Variants in KAZN observed in about 807,000 individuals in gnomAD.
KAZN encodes the protein kazrin, periplakin interacting protein.
Under a neutral mutation model 87.4 loss-of-function variants are expected in KAZN, and 40 were observed. The observed-to-expected ratio is 0.46, with a 90% confidence interval of 0.36 to 0.60. KAZN has a LOEUF of 0.60. Ranked by LOEUF, KAZN falls within the 20% of genes least tolerant of loss-of-function variation. KAZN has a pLI of 0.00. For missense variants in KAZN, 898 were observed against 1,073.9 expected (o/e 0.84, Z 2.29); for synonymous variants, 466 against 458.3 (o/e 1.02, Z -0.22).
At chr1:14,851,799 C>T (rs550426353) in intron 1 of KAZN, among the ~76,000 whole-genome samples, 15 of 152,314 alleles carry the variant, frequency 9.8e-5, no homozygotes, top group African/African-American at 3.6e-4. Context: ...GTCAGCTCTT[C>T]CTGACATTGG....
intron 1 of KAZN, chr1:14,946,249 T>C (rs10803326): frequency 0.32 from 48,714 of 151,632 alleles, 12,286 homozygotes; most frequent in African/African-American, 0.7. Context: ...AGAAGCTGCA[T>C]GGGAGACAGT....
At chr1:13,969,595 T>G (rs898650533) in intron 1 of KAZN, among the ~76,000 whole-genome samples, 5 of 152,092 alleles carry the variant, frequency 3.3e-5, no homozygotes, top group Admixed American at 6.5e-5. Context: ...AGCTCGCTTG[T>G]TGGGTGATGA....
chr1:13,908,108 A>G (rs903655496), intron 1 of KAZN, among the ~76,000 whole-genome samples: 1 of 152,276 alleles, frequency 6.6e-6, no homozygotes, highest in Non-Finnish European at 1.5e-5. Context: ...ACATTGTGGC[A>G]GTCCATTTTT....
rs577017101 is a variant in KAZN, at chr1:14,382,126, A to G, written c.249+201534A>G. Among the ~76,000 whole-genome samples, 27 of 152,266 alleles carry G rather than the reference A, an allele frequency of 1.8e-4. No individual in the cohort carries two copies. In the South Asian group the frequency reaches 5.6e-3, roughly 32 times the overall value. On this transcript the variant is annotated intron_variant, in intron 2 of 16. Coordinates refer to the KAZN transcript ENST00000636203. ...GAATTAACTAAAGGGAAAAATCTCT[A>G]CAATGAAAACTATAAAATATTGATG...
At chr1:14,510,252 C>T (rs530881424) in intron 2 of KAZN, among the ~76,000 whole-genome samples, 181 of 152,162 alleles carry the variant, frequency 1.2e-3, no homozygotes, top group African/African-American at 4.2e-3. Context: ...GTGGCATATG[C>T]CTGTAATCCC....
intron 2 of KAZN, among the ~76,000 whole-genome samples, chr1:14,484,501 A>C (rs887962393): frequency 6.6e-6 from 1 of 152,250 alleles, no homozygotes; most frequent in Non-Finnish European, 1.5e-5. Flanking sequence ...TTCTGTGCTC[A>C]TACTTCTTCC....
At chr1:13,995,666 A>G (rs1390983704) in intron 1 of KAZN, among the ~76,000 whole-genome samples, 1 of 152,164 alleles carries the variant, frequency 6.6e-6, no homozygotes, top group African/African-American at 2.4e-5. Context: ...TAGAAATTTC[A>G]CAGTTGGGAG....
chr1:14,713,083 C>G (rs1572288571), intron 1 of KAZN, among the ~76,000 whole-genome samples: 1 of 152,192 alleles, frequency 6.6e-6, no homozygotes, highest in South Asian at 2.1e-4. Flanking sequence ...CTAATCTGGA[C>G]TGAGCCTGCT....
intron 1 of KAZN, among the ~76,000 whole-genome samples, chr1:14,760,153 CA>C (rs1461285231): frequency 1.1e-4 from 17 of 152,112 alleles, no homozygotes; most frequent in African/African-American, 4.1e-4. Flanking sequence ...TGAAACCAAC[CA>C]ATGCTCGCCT....
At chr1:14,570,094 C>G (rs1420250719) in intron 2 of KAZN, among the ~76,000 whole-genome samples, 1 of 152,030 alleles carries the variant, frequency 6.6e-6, no homozygotes, top group East Asian at 1.9e-4. Context: ...GCCTGGGTGA[C>G]AGAGCGAGAC....
intron 1 of KAZN, among the ~76,000 whole-genome samples, chr1:14,906,174 TATTATAATAATA>T (rs1245245489): frequency 0.019 from 2,764 of 143,624 alleles, 81 homozygotes; most frequent in African/African-American, 0.066. Context: ...TCAAAAAATA[TATTATAATAATA>T]ATAATAATAA....
intron 2 of KAZN, among the ~76,000 whole-genome samples, chr1:14,314,213 T>C (rs1474266198): frequency 6.6e-6 from 1 of 152,180 alleles, no homozygotes; most frequent in East Asian, 1.9e-4. Context: ...ATTGCACTAC[T>C]TGTAGAAAAA....
intron 2 of KAZN, among the ~76,000 whole-genome samples, chr1:14,528,071 C>G (rs1671996589): frequency 6.6e-6 from 1 of 151,946 alleles, no homozygotes; most frequent in East Asian, 1.9e-4. Context: ...ACCTATCTAT[C>G]TTCCTCTCCA....
chr1:14,249,077 C>T (rs1649774369), intron 2 of KAZN, among the ~76,000 whole-genome samples: 1 of 152,194 alleles, frequency 6.6e-6, no homozygotes, highest in Non-Finnish European at 1.5e-5. Context: ...AAATGATTTA[C>T]ATCCTGCCTG....
intron 13 of KAZN, 145 bp downstream of exon 13, chr1:15,104,334 A>G: frequency 1.2e-6 from 1 of 865,608 alleles, no homozygotes; most frequent in Admixed American, 3.1e-5. Flanking sequence ...CACCTTTTAC[A>G]GATCAGGAAA....
At chr1:14,966,018 C>T (rs2101807336) in intron 2 of KAZN, among the ~76,000 whole-genome samples, 1 of 124,090 alleles carries the variant, frequency 8.1e-6, no homozygotes, top group East Asian at 2.3e-4. Flanking sequence ...TTCACTGTGT[C>T]ACCCAGGCTT....
chr1:14,241,362 G>A (rs1430837264), intron 2 of KAZN, among the ~76,000 whole-genome samples: 1 of 152,164 alleles, frequency 6.6e-6, no homozygotes, highest in Non-Finnish European at 1.5e-5. Context: ...CAGGGCACTG[G>A]AAGGTCTGAC....
intron 1 of KAZN, among the ~76,000 whole-genome samples, chr1:14,806,508 A>T (rs926826133): frequency 1.3e-5 from 2 of 152,226 alleles, no homozygotes; most frequent in African/African-American, 4.8e-5. Context: ...GAGAACACCA[A>T]TGAGGGGTTG....
At chr1:14,174,429 CTT>C (rs967906982) in intron 1 of KAZN, among the ~76,000 whole-genome samples, 3 of 152,082 alleles carry the variant, frequency 2.0e-5, no homozygotes, top group Admixed American at 6.5e-5. Flanking sequence ...AGTTTGGGGT[CTT>C]TATGGCTCAG....
Sources: gnomAD v4.1 joint callset for allele counts (sites outside exome capture counted in the v4.1 genomes callset) on GRCh38, gnomAD v4.1.1 for gene constraint, MANE v1.5 for transcripts, NCBI Gene and HGNC (gene_info 2026-07-23, HGNC 2026-07-21) for gene names.